ANKRD55: variants seen among roughly 807,000 people sequenced by gnomAD.
ANKRD55 encodes ankyrin repeat domain 55.
A neutral mutation model predicts 60.6 loss-of-function variants in ANKRD55; 41 were observed. The ratio of observed to expected loss-of-function variants is 0.68; its 90% CI spans 0.53 to 0.88. The LOEUF (loss-of-function observed/expected upper bound fraction) is 0.88, where lower values mean the gene tolerates loss of function less well. ANKRD55 is among the 40% of genes least tolerant of loss of function. ANKRD55 has a pLI of 0.00. For synonymous variants in ANKRD55, 264 were observed against 290.3 expected (o/e 0.91, Z 0.92); for missense variants, 732 against 767.6 (o/e 0.95, Z 0.55).
At chr5:56,203,871 A>G (rs1759438558) in intron 2 of ANKRD55, among the ~76,000 whole-genome samples, 1 of 152,180 alleles carries the variant, frequency 6.6e-6, no homozygotes, top group African/African-American at 2.4e-5. Context: ...TGGCTGGGTC[A>G]AATGGTATTT....
intron 5 of ANKRD55, among the ~76,000 whole-genome samples, chr5:56,162,259 T>C (rs1402891220): frequency 6.6e-6 from 1 of 152,000 alleles, no homozygotes; most frequent in Non-Finnish European, 1.5e-5. Context: ...CCTCCCAAGG[T>C]TGTGGGATGA....
At chr5:56,169,510 T>A (rs1466712631) in intron 5 of ANKRD55, among the ~76,000 whole-genome samples, 1 of 152,106 alleles carries the variant, frequency 6.6e-6, no homozygotes, top group African/African-American at 2.4e-5. Flanking sequence ...GGGTTTGCTG[T>A]TCCTTTTCTA....
intron 7 of ANKRD55, among the ~76,000 whole-genome samples, chr5:56,131,255 C>A (rs545525216): frequency 2.0e-4 from 30 of 152,082 alleles, no homozygotes; most frequent in African/African-American, 7.0e-4. Context: ...CAGAAGGAAG[C>A]CAGAGGAAAA....
intron 2 of ANKRD55, among the ~76,000 whole-genome samples, chr5:56,185,456 C>T (rs1369256848): frequency 1.3e-5 from 2 of 152,082 alleles, no homozygotes; most frequent in African/African-American, 4.8e-5. Flanking sequence ...CACCTGAGGT[C>T]AGGAGTTTGA....
chr5:56,191,062 G>A (rs1266469942), intron 2 of ANKRD55, among the ~76,000 whole-genome samples: 1 of 152,152 alleles, frequency 6.6e-6, no homozygotes, highest in Non-Finnish European at 1.5e-5. Context: ...CTATTCTACT[G>A]ATCTATATGT....
intron 2 of ANKRD55, among the ~76,000 whole-genome samples, chr5:56,184,037 T>C (rs1395805432): frequency 6.6e-6 from 1 of 152,190 alleles, no homozygotes; most frequent in Non-Finnish European, 1.5e-5. Context: ...CAAAGAGACA[T>C]TGTGCTCTCC....
rs144813264 is a variant in ANKRD55, at chr5:56,210,083, C to T, written c.58+22773G>A. On this transcript the variant is annotated intron_variant, in intron 2 of 11. Coordinates refer to ENST00000341048, the MANE Select transcript of ANKRD55 (RefSeq NM_024669.3). ...AGTGCCGTGGCACAATCTCAGCTCA[C>T]TGCAGCCTCCGCCTCCCGATTTCAA... Among the ~76,000 whole-genome samples, 94 of 152,246 alleles carry T rather than the reference C, an allele frequency of 6.2e-4. No individual in the cohort carries two copies. In the East Asian group the frequency reaches 0.016, roughly 26 times the overall value.
Position 56,191,670 on chromosome 5 carries a change from G to C in ANKRD55, c.59-8036C>G, listed in dbSNP as rs1759095270. On this transcript the variant is annotated intron_variant, in intron 2 of 11. Transcript: ENST00000341048. ...CACTGAAGATGACCTCTCTTGGCTA[G>C]ATGACCACCAAACCTGTTTAGAAGG... is the stretch of plus-strand genomic sequence containing the variant. Among the ~76,000 whole-genome samples the C allele has an allele frequency of 2.6e-5, 4 of 152,314 alleles. No homozygotes were observed. In the South Asian group the frequency reaches 8.3e-4, roughly 32 times the overall value.
intron 2 of ANKRD55, among the ~76,000 whole-genome samples, chr5:56,231,470 C>A (rs997644052): frequency 1.3e-5 from 2 of 152,154 alleles, no homozygotes; most frequent in African/African-American, 4.8e-5. Context: ...CGTGGCTTAG[C>A]AACATCATTT....
rs574158233 is a variant in ANKRD55, at chr5:56,108,511, AT to A, written c.1630+2606del. ...TTCAGTGCTTTGTGGAGGAAGCAAA[AT>A]CTTGACTGGAGTTTTTCTCAGACAT... is the stretch of plus-strand genomic sequence containing the variant. On this transcript the variant is annotated intron_variant, in intron 10 of 11. Transcript: ENST00000341048. 1.4e-4 allele frequency among the ~76,000 whole-genome samples: 21 copies of A among 152,242 alleles called. No homozygotes were observed. In the East Asian group the frequency reaches 4.0e-3, roughly 29 times the overall value.
chr5:56,226,064 C>T (rs1760103778), intron 2 of ANKRD55, among the ~76,000 whole-genome samples: 1 of 152,164 alleles, frequency 6.6e-6, no homozygotes, highest in Non-Finnish European at 1.5e-5. Flanking sequence ...AGGCATCACG[C>T]TACCTGACTT....
chr5:56,106,390 A>G (rs909155435), intron 10 of ANKRD55, among the ~76,000 whole-genome samples: 1 of 151,020 alleles, frequency 6.6e-6, no homozygotes, highest in Admixed American at 6.6e-5. Flanking sequence ...AAAAATGATC[A>G]CAAAAATAAA....
intron 2 of ANKRD55, chr5:56,193,218 C>T (rs986376286): frequency 2.1e-6 from 2 of 942,032 alleles, no homozygotes; most frequent in African/African-American, 3.4e-5. Context: ...GAAAAGATTT[C>T]TTGATGCATT....
At chr5:56,231,161 A>G (rs1018528335) in intron 2 of ANKRD55, among the ~76,000 whole-genome samples, 5 of 152,174 alleles carry the variant, frequency 3.3e-5, no homozygotes, top group Non-Finnish European at 7.3e-5. Context: ...TTTCCATCAT[A>G]TGATAAAACC....
intron 7 of ANKRD55, among the ~76,000 whole-genome samples, chr5:56,142,352 AAAC>A (rs1158323835): frequency 2.6e-5 from 4 of 151,926 alleles, no homozygotes; most frequent in African/African-American, 4.8e-5. Context: ...AAACAAAACT[AAAC>A]AACAACAACA....
In ANKRD55 at chr5:56,100,211, G is replaced by C; in HGVS notation, c.1817C>G (p.Ser606Cys). 6.2e-7 allele frequency: 1 copy of C among 1,614,182 alleles called. No individual in the cohort carries two copies. Among genetic ancestry groups the C allele is most frequent in the Non-Finnish European group, 8.5e-7 (1 of 1,180,020 alleles). The change falls in exon 12 of 12, where the codon TCT becomes TGT. Residue 606 changes from serine (S) to cysteine (C), a missense_variant. Around this residue, in one of 3 missense-constraint regions of ANKRD55, gnomAD observed 597 missense variants for 607.5 expected, o/e 0.98. Transcript: ENST00000341048. ...ATTTTCATCACTGGTGGGGTTGGCA[G>C]AATGTTCACTCTCTTCTGCTGCTGT... ...HSTAAEESEH[S>C]ANPTSDEN
intron 10 of ANKRD55, among the ~76,000 whole-genome samples, chr5:56,110,820 GC>G (rs1242087036): frequency 6.6e-6 from 1 of 152,176 alleles, no homozygotes; most frequent in African/African-American, 2.4e-5. Context: ...AAGAATCCTT[GC>G]TAGTGGAAAT....
chr5:56,172,821 C>A (rs906969629), intron 4 of ANKRD55, among the ~76,000 whole-genome samples: 9 of 152,120 alleles, frequency 5.9e-5, no homozygotes, highest in African/African-American at 1.9e-4. Flanking sequence ...GAAATCTGAT[C>A]ATTTGAATTG....
chr5:56,117,384 T>C (rs1756913966), intron 8 of ANKRD55, among the ~76,000 whole-genome samples: 1 of 152,218 alleles, frequency 6.6e-6, no homozygotes, highest in Non-Finnish European at 1.5e-5. Flanking sequence ...ATTAAAGGCA[T>C]TGGTCTTTTA....
Sources: gnomAD v4.1 joint callset for allele counts (sites outside exome capture counted in the v4.1 genomes callset) on GRCh38, gnomAD v4.1.1 for gene constraint, gnomAD v4.1.1 regional missense constraint, MANE v1.5 for transcripts, NCBI Gene and HGNC (gene_info 2026-07-23, HGNC 2026-07-21) for gene names.